ALK: variants seen among roughly 807,000 people sequenced by gnomAD.
The protein encoded by ALK is ALK tyrosine kinase receptor.
In ALK, 74 loss-of-function variants were observed where a neutral mutation model predicts 163.1. The ratio of observed to expected loss-of-function variants is 0.45; its 90% CI spans 0.38 to 0.55. The LOEUF (loss-of-function observed/expected upper bound fraction) is 0.55. Among genes scored for constraint, ALK ranks in the 20% least tolerant of loss-of-function variants. The pLI is 0.00. For synonymous variants in ALK, 960 were observed against 843.2 expected (o/e 1.14, Z -2.40); for missense variants, 2,063 against 2,105.3 (o/e 0.98, Z 0.39).
intron 11 of ALK, among the ~76,000 whole-genome samples, chr2:29,252,187 G>A (rs927247422): frequency 1.2e-3 from 27 of 22,330 alleles, no homozygotes; most frequent in African/African-American, 3.1e-3. Context: ...CACCCCCCGC[G>A]GGCCATTTCC....
chr2:29,553,485 C>T (rs749917373), intron 3 of ALK, among the ~76,000 whole-genome samples: 2 of 152,214 alleles, frequency 1.3e-5, no homozygotes, highest in Non-Finnish European at 2.9e-5. Flanking sequence ...TTTACTCCTG[C>T]ATTTGCCACA....
chr2:29,874,539 C>G (rs1282839796), intron 1 of ALK, among the ~76,000 whole-genome samples: 1 of 152,178 alleles, frequency 6.6e-6, no homozygotes, highest in Non-Finnish European at 1.5e-5. Context: ...CCACATGCAC[C>G]TAGATGAAAT....
intron 4 of ALK, among the ~76,000 whole-genome samples, chr2:29,494,768 G>A (rs1671983389): frequency 6.6e-6 from 1 of 152,054 alleles, no homozygotes. Flanking sequence ...TTGCCTCAAG[G>A]TTGGAGTCCC....
chr2:29,759,033 A>G (rs1253934268), intron 1 of ALK, among the ~76,000 whole-genome samples: 1 of 152,174 alleles, frequency 6.6e-6, no homozygotes, highest in African/African-American at 2.4e-5. Flanking sequence ...ACACAAGAAT[A>G]TAAGAATATT....
At chr2:29,746,060 A>T (rs892840995) in intron 1 of ALK, among the ~76,000 whole-genome samples, 18 of 152,190 alleles carry the variant, frequency 1.2e-4, no homozygotes, top group African/African-American at 4.3e-4. Flanking sequence ...TCCTTACAAC[A>T]ACCCTGTGAC....
In ALK at chr2:29,397,402, G is replaced by A. The variant is rs373137212; in HGVS notation, c.1155-13543C>T. 5.9e-5 allele frequency among the ~76,000 whole-genome samples: 9 copies of A among 152,256 alleles called. No homozygotes were observed. In the East Asian group the frequency reaches 1.4e-3, roughly 23 times the overall value. The stretch of plus-strand genomic sequence containing the variant: ...AGATTCTTCCTCACAGGCCTCAGAA[G>A]GAACCAACCCTGCTGACACCTTGAT... On this transcript the variant is annotated intron_variant, in intron 4 of 28. Transcript: ENST00000389048.
At chr2:29,288,448 G>C (rs2148224700) in intron 9 of ALK, among the ~76,000 whole-genome samples, 1 of 152,292 alleles carries the variant, frequency 6.6e-6, no homozygotes, top group Middle Eastern at 3.4e-3. Context: ...GCTCTTAACT[G>C]CATGGCTGGG....
intron 3 of ALK, among the ~76,000 whole-genome samples, chr2:29,556,248 G>A (rs557686079): frequency 6.6e-6 from 1 of 152,276 alleles, no homozygotes; most frequent in East Asian, 1.9e-4. Flanking sequence ...CTTACTGTAG[G>A]ACAAGGCATG....
At position 29,920,944 on chromosome 2, in the gene ALK, T is replaced by C; in HGVS notation, c.-285A>G. On this transcript the variant is annotated 5_prime_UTR_variant, in exon 1 of 29. Coordinates refer to ENST00000389048, the MANE Select transcript of ALK (RefSeq NM_004304.5). ...TGAGCCTCCCGCTCTCCGCGCCGAG[T>C]GCCGCGCCCCCGTCTGTAGCTCGCT... is the stretch of plus-strand genomic sequence containing the variant. The C allele has an allele frequency of 2.0e-6, 1 of 500,330 alleles. No individual in the cohort carries two copies. Among genetic ancestry groups the C allele is most frequent in the Non-Finnish European group, 3.6e-6 (1 of 279,262 alleles). The allele number at this position is 500,330 out of a possible 1,614,324, so 31.0% of individuals were successfully genotyped here.
rs1668002607 is a variant in ALK, at chr2:29,921,444, C to T, written c.-785G>A. 1 of 232,200 alleles carries T rather than the reference C, an allele frequency of 4.3e-6. No homozygotes were observed. The highest frequency in any genetic ancestry group is 5.6e-5 in the Admixed American group (1 of 17,744). The allele number at this position is 232,200 out of a possible 1,614,324, so 14.4% of individuals were successfully genotyped here. A position where few individuals can be genotyped will look rare whatever the true frequency, so the allele number is the denominator to read the frequency against. On this transcript the variant is annotated 5_prime_UTR_variant, in exon 1 of 29. An upstream start codon of the reference 5' UTR is lost. Coordinates refer to ENST00000389048, the MANE Select transcript of ALK (RefSeq NM_004304.5). ...GAAATCTTGCCGCCCCCTCCTCACC[C>T]ATCATCAGCGCCCGCGGCTTTGGGT...
chr2:29,248,856 C>T (rs923585786), intron 12 of ALK, among the ~76,000 whole-genome samples: 1 of 152,234 alleles, frequency 6.6e-6, no homozygotes, highest in Non-Finnish European at 1.5e-5. Flanking sequence ...ATACAGGGCT[C>T]ATCTGAGGAA....
chr2:29,392,406 T>G (rs978909240), intron 4 of ALK, among the ~76,000 whole-genome samples: 17 of 152,234 alleles, frequency 1.1e-4, no homozygotes, highest in African/African-American at 3.9e-4. Flanking sequence ...ACTCATTTTT[T>G]AGAAGAGCTT....
At chr2:29,323,093 A>G (rs985061456) in intron 6 of ALK, among the ~76,000 whole-genome samples, 2 of 152,200 alleles carry the variant, frequency 1.3e-5, no homozygotes, top group African/African-American at 4.8e-5. Context: ...GTGACCTTAC[A>G]AAAGTCCCTT....
At chr2:29,283,084 A>G (rs1333382529) in intron 9 of ALK, among the ~76,000 whole-genome samples, 1 of 152,102 alleles carries the variant, frequency 6.6e-6, no homozygotes, top group Admixed American at 6.5e-5. Context: ...GCACAAAAAT[A>G]CTCGACCTAC....
At chr2:29,646,827 G>A (rs1204533952) in intron 3 of ALK, among the ~76,000 whole-genome samples, 2 of 152,106 alleles carry the variant, frequency 1.3e-5, no homozygotes, top group Non-Finnish European at 2.9e-5. Flanking sequence ...TGCCTTCCTT[G>A]CTTTATTGTC....
chr2:29,590,856 G>C (rs1291590426), intron 3 of ALK, among the ~76,000 whole-genome samples: 1 of 151,708 alleles, frequency 6.6e-6, no homozygotes, highest in Admixed American at 6.6e-5. Context: ...CGGATCACGA[G>C]GTCAGGAGAT....
intron 4 of ALK, among the ~76,000 whole-genome samples, chr2:29,480,112 A>G (rs55680324): frequency 0.25 from 37,362 of 152,138 alleles, 5,735 homozygotes; most frequent in Non-Finnish European, 0.34. Flanking sequence ...GAAAAACACA[A>G]GTTGCAAAAG....
chr2:29,735,668 C>T (rs541897356), intron 1 of ALK, among the ~76,000 whole-genome samples: 19 of 152,120 alleles, frequency 1.2e-4, no homozygotes, highest in Admixed American at 2.0e-4. Flanking sequence ...TAGAATCATA[C>T]GGCAGTTACC....
intron 4 of ALK, among the ~76,000 whole-genome samples, chr2:29,510,840 C>G (rs2148140090): frequency 6.6e-6 from 1 of 152,258 alleles, no homozygotes; most frequent in African/African-American, 2.4e-5. Flanking sequence ...TCTGAGAAGT[C>G]TTCATGAGGA....
Sources: gnomAD v4.1 joint callset for allele counts (sites outside exome capture counted in the v4.1 genomes callset) on GRCh38, gnomAD v4.1.1 for gene constraint, MANE v1.5 for transcripts, NCBI Gene and HGNC (gene_info 2026-07-23, HGNC 2026-07-21) for gene names.